TCF25: variants seen among roughly 807,000 people sequenced by gnomAD.
The protein encoded by TCF25 is TCF25 ribosome quality control complex subunit.
TCF25 carries 41 observed loss-of-function variants against 83.1 expected under a neutral mutation model. The observed-to-expected ratio is 0.49, with a 90% CI of 0.38 to 0.64. The LOEUF (loss-of-function observed/expected upper bound fraction) is 0.64, where lower values mean the gene tolerates loss of function less well. TCF25 is among the 30% of genes least tolerant of loss of function. The probability of loss-of-function intolerance (pLI) is 0.00; values close to 1 mark genes in which losing one functional copy is unlikely to be tolerated. For synonymous variants in TCF25, 458 were observed against 365.0 expected (o/e 1.25, Z -2.90); for missense variants, 979 against 914.5 (o/e 1.07, Z -0.91).
intron 12 of TCF25, among the ~76,000 whole-genome samples, chr16:89,901,671 G>C (rs1597363356): frequency 1.6e-5 from 1 of 63,818 alleles, no homozygotes; most frequent in African/African-American, 5.8e-5. Context: ...CATGAACCCA[G>C]GAGGCAGAGC....
intron 11 of TCF25, 41 bp downstream of exon 11, chr16:89,898,913 C>A (rs1166489877): frequency 6.4e-7 from 1 of 1,569,956 alleles, no homozygotes; most frequent in Non-Finnish European, 8.8e-7. Context: ...GGGACGGACA[C>A]CTGCTTCTCC....
At chr16:89,906,636 GT>G (rs1425825910) in intron 15 of TCF25, among the ~76,000 whole-genome samples, 1 of 152,158 alleles carries the variant, frequency 6.6e-6, no homozygotes, top group Non-Finnish European at 1.5e-5. Context: ...TGGAGGTGCC[GT>G]TTCTGTCTCA....
intron 8 of TCF25, 79 bp downstream of exon 8, chr16:89,895,216 T>A (rs938804246): frequency 7.6e-7 from 1 of 1,307,386 alleles, no homozygotes; most frequent in East Asian, 2.4e-5. Context: ...TGGTGTAAGA[T>A]GACAGGGGTT....
At chr16:89,876,602 C>T (rs1391104730) in intron 1 of TCF25, among the ~76,000 whole-genome samples, 1 of 152,022 alleles carries the variant, frequency 6.6e-6, no homozygotes, top group Non-Finnish European at 1.5e-5. Flanking sequence ...AGCAGCCTGG[C>T]CAACATGGTG....
rs1187437560 is a variant in TCF25, at chr16:89,883,396, A to T, written c.238A>T (p.Arg80Trp). ...GGATGACCCTGTGGTGAACGGGGAG[A>T]GGTCTGGCTGTGCGCTCACAGACGC... Reference protein sequence around the residue: ...LEDDPVVNGERSGCALTDAVA... With the variant: ...LEDDPVVNGEWSGCALTDAVA... The change falls in exon 2 of 18, where the codon AGG becomes TGG. Residue 80 changes from arginine to tryptophan, a missense_variant. Arg to Trp is a moderately radical substitution (Grantham distance 101). Transcript: ENST00000263346. 12 of 1,613,588 alleles carry T rather than the reference A, an allele frequency of 7.4e-6. No individual in the cohort carries two copies. Among genetic ancestry groups the T allele is most frequent in the Admixed American group, 5.0e-5 (3 of 59,938 alleles).
intron 15 of TCF25, 118 bp downstream of exon 15, chr16:89,906,402 C>T (rs1452680396): frequency 5.1e-6 from 5 of 975,114 alleles, no homozygotes; most frequent in Admixed American, 4.1e-5. Flanking sequence ...CAGCCCAGCC[C>T]CGCCACGGCA....
rs73265881 is a variant in TCF25 at position 89,911,281 on chromosome 16, G to T, written c.*43G>T. 6.2e-7 allele frequency: 1 copy of T among 1,601,884 alleles called. No homozygotes were observed. Reference sequence around the variant, plus strand: ...CGAAAAGCCGTATGATGATGTTCCCGATTTCTCTGTTGGTCGGAGTCGGCC... The same window carrying T: ...CGAAAAGCCGTATGATGATGTTCCCTATTTCTCTGTTGGTCGGAGTCGGCC... On this transcript the variant is annotated 3_prime_UTR_variant, in exon 18 of 18. Coordinates refer to ENST00000263346, the MANE Select transcript of TCF25 (RefSeq NM_014972.3).
At chr16:89,903,968 C>T (rs1443298527) in intron 12 of TCF25, 150 bp from the exon 13 acceptor site, 2 of 759,518 alleles carry the variant, frequency 2.6e-6, no homozygotes, top group East Asian at 5.5e-5. Context: ...AGAATACCAC[C>T]CGGAAGCAAG....
At chr16:89,899,922 G>T (rs1294043818) in intron 11 of TCF25, among the ~76,000 whole-genome samples, 2 of 152,144 alleles carry the variant, frequency 1.3e-5, no homozygotes, top group Admixed American at 1.3e-4. Context: ...CATGGATAAT[G>T]AAAGTGGGTA....
chr16:89,877,918 G>A (rs775552939), intron 1 of TCF25, among the ~76,000 whole-genome samples: 4 of 152,160 alleles, frequency 2.6e-5, no homozygotes, highest in Admixed American at 2.0e-4. Flanking sequence ...TATCTAAATT[G>A]ACATGTGAAG....
intron 12 of TCF25, among the ~76,000 whole-genome samples, chr16:89,902,613 C>G (rs1487601977): frequency 6.8e-6 from 1 of 146,958 alleles, no homozygotes; most frequent in African/African-American, 2.5e-5. Flanking sequence ...GGCATGAACC[C>G]AGGAGGCAGA....
intron 2 of TCF25, 146 bp from the exon 3 acceptor site, chr16:89,884,436 A>G: frequency 1.4e-6 from 1 of 724,638 alleles, no homozygotes. Context: ...TGCTGGAGAG[A>G]AGAGAGTGAG....
intron 7 of TCF25, among the ~76,000 whole-genome samples, chr16:89,894,410 A>G (rs1470960059): frequency 6.9e-6 from 1 of 145,638 alleles, no homozygotes. Flanking sequence ...GCCCTCACGC[A>G]GCCGCCGGAC....
At chr16:89,883,253 C>T in intron 1 of TCF25, 98 bp from the exon 2 acceptor site, 3 of 1,512,062 alleles carry the variant, frequency 2.0e-6, no homozygotes, top group Admixed American at 1.9e-5. Context: ...CCCTGGGGGT[C>T]CCCAACGCAA....
At position 89,898,566 on chromosome 16, in the gene TCF25, C is replaced by T. The variant is rs1309426912; in HGVS notation, c.1032C>T (p.Tyr344=). The change falls in exon 10 of 18, where the codon TAC becomes TAT. Residue 344 remains tyrosine, a synonymous_variant. Transcript: ENST00000263346. ...ACTATTTTGGATCTAGGAGCTTCTACCTGGCCCTCTACAAGCAGATGAGCT... is the reference window on the plus strand; with the variant it reads ...ACTATTTTGGATCTAGGAGCTTCTATCTGGCCCTCTACAAGCAGATGAGCT... The part of the protein sequence containing the change: ...DYRRPENRSF[Y]LALYKQMSFL... 1 of 1,598,704 alleles carries T rather than the reference C, an allele frequency of 6.3e-7. No homozygotes were observed. Among genetic ancestry groups the T allele is most frequent in the Non-Finnish European group, 8.5e-7 (1 of 1,176,678 alleles).
chr16:89,908,587 C>A (rs1408381423), intron 16 of TCF25, among the ~76,000 whole-genome samples: 1 of 141,852 alleles, frequency 7.0e-6, no homozygotes, highest in African/African-American at 2.6e-5. Context: ...GTTCCCACCT[C>A]CCAGCTCCCG....
intron 1 of TCF25, among the ~76,000 whole-genome samples, chr16:89,875,416 T>C (rs1019480995): frequency 6.6e-6 from 1 of 152,176 alleles, no homozygotes; most frequent in African/African-American, 2.4e-5. Context: ...CTTTAACTTC[T>C]TTAATTTCTG....
intron 1 of TCF25, among the ~76,000 whole-genome samples, chr16:89,879,110 G>A (rs1404032009): frequency 6.6e-6 from 1 of 152,100 alleles, no homozygotes; most frequent in Non-Finnish European, 1.5e-5. Context: ...TGTCACACGT[G>A]TTGTCCGTGT....
At chr16:89,901,022 C>T (rs2044279349) in intron 12 of TCF25, 7 of 454,718 alleles carry the variant, frequency 1.5e-5, no homozygotes, top group Non-Finnish European at 2.4e-5. Context: ...GCATCCCGAC[C>T]CCCGTGGGGC....
Sources: allele counts gnomAD v4.1 joint callset (sites outside exome capture counted in the v4.1 genomes callset), GRCh38; gene constraint gnomAD v4.1.1; transcripts MANE v1.5; gene names NCBI Gene and HGNC (gene_info 2026-07-23, HGNC 2026-07-21).